The following PUDP variants were observed in gnomAD, a reference collection of about 807,000 sequenced individuals.
The protein encoded by PUDP is pseudouridine 5'-phosphatase, also known as pseudouridine-5'-phosphatase.
A neutral mutation model predicts 9.4 loss-of-function variants in PUDP; 8 were observed. That is an observed-to-expected ratio of 0.85 (90% CI 0.50 to 1.53). PUDP has a LOEUF of 1.53. PUDP is among the 40% of genes most tolerant of loss of function. PUDP has a pLI of 0.00. For missense variants in PUDP, 188 were observed against 189.7 expected (o/e 0.99, Z 0.05); for synonymous variants, 99 against 80.7 (o/e 1.23, Z -1.22).
chrX:7,067,771 A>AAAT (rs1930608303), intron 3 of PUDP, among the ~76,000 whole-genome samples: 1 of 111,415 alleles, frequency 9.0e-6, no homozygotes, highest in South Asian at 4.0e-4. Flanking sequence ...GTCCCTACCC[A>AAAT]AATCTCATCT....
chrX:6,708,764 G>C (rs1475332650), intron 1 of PUDP, among the ~76,000 whole-genome samples: 1 of 111,899 alleles, frequency 8.9e-6, no homozygotes, highest in Non-Finnish European at 1.9e-5. Flanking sequence ...CAAGGAACAA[G>C]CTCTGGCTGA....
At position 6,908,562 on chromosome X, in the gene PUDP, T is replaced by C. The variant is rs1391350560; in HGVS notation, c.*247+68571A>G. 4.5e-5 allele frequency among the ~76,000 whole-genome samples: 5 copies of C among 111,723 alleles called. 1 individual carries two copies. The highest frequency in any genetic ancestry group is 9.4e-5 in the Non-Finnish European group (5 of 53,119). On this transcript the variant is annotated intron_variant and NMD_transcript_variant, in intron 3 of 3. Transcript: ENST00000655425. ...CCAGTGGTCCTGAACTTGTGGAGTCTTGAACAGTGTTACTTTTTGGACATA... is the reference window on the plus strand; with the variant it reads ...CCAGTGGTCCTGAACTTGTGGAGTCCTGAACAGTGTTACTTTTTGGACATA...
chrX:7,116,199 G>C (rs1932188872), intron 1 of PUDP, among the ~76,000 whole-genome samples: 1 of 111,732 alleles, frequency 8.9e-6, no homozygotes, highest in Admixed American at 9.5e-5. Context: ...GCTTCAGGTG[G>C]GCCCTGACTG....
At chrX:6,809,540 T>C (rs1452371740) in intron 3 of PUDP, among the ~76,000 whole-genome samples, 1 of 109,653 alleles carries the variant, frequency 9.1e-6, no homozygotes, top group Non-Finnish European at 1.9e-5. Context: ...CAAGCAATCC[T>C]CCTCCCTCAG....
At chrX:6,932,757 C>T (rs1450002217) in intron 3 of PUDP, among the ~76,000 whole-genome samples, 6 of 111,937 alleles carry the variant, frequency 5.4e-5, no homozygotes, top group East Asian at 2.9e-4. Flanking sequence ...AATCGGGTCA[C>T]TCCCACCCGA....
At chrX:6,742,474 A>T (rs1316943704) in intron 3 of PUDP, among the ~76,000 whole-genome samples, 1 of 112,666 alleles carries the variant, frequency 8.9e-6, no homozygotes, top group Non-Finnish European at 1.9e-5. Flanking sequence ...GGCCCTTTGT[A>T]AAAAAATCTT....
chrX:6,861,243 T>C (rs1336443175), intron 3 of PUDP, among the ~76,000 whole-genome samples: 1 of 111,802 alleles, frequency 8.9e-6, no homozygotes, highest in Non-Finnish European at 1.9e-5. Context: ...GGCATTGAAG[T>C]CCCCAAGGCT....
chrX:6,793,661 C>T (rs145971557), intron 3 of PUDP, among the ~76,000 whole-genome samples: 3 of 111,554 alleles, frequency 2.7e-5, no homozygotes, highest in Non-Finnish European at 3.8e-5. Flanking sequence ...CTTGGAAGGA[C>T]CACCATCTAC....
chrX:6,768,884 A>C (rs1925320103), intron 3 of PUDP, among the ~76,000 whole-genome samples: 1 of 111,916 alleles, frequency 8.9e-6, no homozygotes, highest in Non-Finnish European at 1.9e-5. Flanking sequence ...TCACACAGTA[A>C]AACAATAGCT....
intron 3 of PUDP, among the ~76,000 whole-genome samples, chrX:6,894,810 C>T (rs916834729): frequency 9.0e-6 from 1 of 111,665 alleles, no homozygotes; most frequent in Non-Finnish European, 1.9e-5. Flanking sequence ...ATCAGTCGTT[C>T]GACCCTGAAA....
intron 1 of PUDP, among the ~76,000 whole-genome samples, chrX:7,042,791 T>C (rs926910458): frequency 5.4e-5 from 6 of 112,039 alleles, no homozygotes; most frequent in Non-Finnish European, 1.1e-4. Flanking sequence ...GGCCCACTCC[T>C]TGGCCTTACA....
intron 3 of PUDP, among the ~76,000 whole-genome samples, chrX:6,891,959 A>G (rs1927523497): frequency 1.8e-5 from 2 of 112,096 alleles, no homozygotes; most frequent in Non-Finnish European, 3.8e-5. Flanking sequence ...TTTTATGGGA[A>G]GAACCGGTAA....
intron 1 of PUDP, among the ~76,000 whole-genome samples, chrX:7,140,606 C>T (rs1394447025): frequency 9.0e-6 from 1 of 110,822 alleles, no homozygotes; most frequent in East Asian, 2.8e-4. Context: ...AGTGAATAAT[C>T]GCAAAGATAA....
At chrX:7,095,179 C>T (rs1331077406) in intron 2 of PUDP, among the ~76,000 whole-genome samples, 4 of 112,428 alleles carry the variant, frequency 3.6e-5, no homozygotes, top group South Asian at 3.7e-4. Context: ...AGTAGAGCGC[C>T]GTGGCTAAGA....
At chrX:7,057,124 C>T (rs1930266489) in intron 3 of PUDP, among the ~76,000 whole-genome samples, 2 of 112,353 alleles carry the variant, frequency 1.8e-5, no homozygotes, top group South Asian at 7.4e-4. Context: ...TGGTCTCTGT[C>T]CAGGGGACTT....
At chrX:6,754,927 C>T (rs770505650) in intron 3 of PUDP, among the ~76,000 whole-genome samples, 11 of 111,339 alleles carry the variant, frequency 9.9e-5, no homozygotes, top group Non-Finnish European at 1.5e-4. Context: ...ATCCTGTAAA[C>T]GTGTGTCCTT....
intron 1 of PUDP, among the ~76,000 whole-genome samples, chrX:7,003,403 G>A (rs1029311173): frequency 9.0e-6 from 1 of 111,214 alleles, no homozygotes; most frequent in Non-Finnish European, 1.9e-5. Context: ...GTTGGGTGCG[G>A]TGGCCAATGT....
chrX:6,830,210 G>A (rs922836822), intron 3 of PUDP, among the ~76,000 whole-genome samples: 1 of 110,470 alleles, frequency 9.1e-6, no homozygotes, highest in Non-Finnish European at 1.9e-5. Flanking sequence ...AAAGCAACAC[G>A]GATCTAGGAA....
intron 1 of PUDP, among the ~76,000 whole-genome samples, chrX:6,994,518 G>A (rs1031185701): frequency 8.0e-5 from 9 of 112,186 alleles, no homozygotes; most frequent in Non-Finnish European, 1.7e-4. Context: ...CAGTGTGAAG[G>A]GGAGGTACTA....
Sources: allele counts gnomAD v4.1 joint callset (sites outside exome capture counted in the v4.1 genomes callset), GRCh38; gene constraint gnomAD v4.1.1; transcripts MANE v1.5; gene names NCBI Gene and HGNC (gene_info 2026-07-23, HGNC 2026-07-21).